Variants in BAZ1B observed in about 807,000 individuals in gnomAD.
BAZ1B encodes the protein bromodomain adjacent to zinc finger domain 1B.
A neutral mutation model predicts 153.8 loss-of-function variants in BAZ1B; 22 were observed. That is an observed-to-expected ratio of 0.14 (90% confidence interval 0.10 to 0.20). The LOEUF is 0.20. Ranked by LOEUF, BAZ1B falls within the 10% of genes least tolerant of loss-of-function variation. BAZ1B has a pLI of 1.00. For synonymous variants in BAZ1B, 676 were observed against 633.4 expected (o/e 1.07, Z -1.01); for missense variants, 1,325 against 1,799.3 (o/e 0.74, Z 4.77).
In BAZ1B at chr7:73,460,193, A is replaced by AAAG. The variant is rs1788347332; in HGVS notation, c.3250-476_3250-475insCTT. 1.1e-4 allele frequency among the ~76,000 whole-genome samples: 12 copies of AAAG among 111,294 alleles called. No homozygotes were observed. In the South Asian group the frequency reaches 3.2e-3, roughly 30 times the overall value. The allele number at this position is 111,294 out of a possible 152,430, so 73.0% of individuals were successfully genotyped here. ...GACACAGCGAGACTCCGTCTCAGGG[A>AAAG]AAAAAAAAAAAAAAAAAAAAAAAAA... On this transcript the variant is annotated intron_variant, in intron 12 of 19. Transcript: ENST00000339594.
chr7:73,501,336 T>C (rs1349275270), intron 3 of BAZ1B, among the ~76,000 whole-genome samples: 1 of 152,180 alleles, frequency 6.6e-6, no homozygotes, highest in Non-Finnish European at 1.5e-5. Flanking sequence ...GTACAAGATC[T>C]AGCCCTTGGC....
At chr7:73,449,493 G>T in intron 15 of BAZ1B, 49 bp downstream of exon 15, 1 of 1,560,782 alleles carries the variant, frequency 6.4e-7, no homozygotes. Flanking sequence ...AATTATAACA[G>T]CTATTCATAT....
At chr7:73,449,023 C>T (rs1035825380) in intron 15 of BAZ1B, among the ~76,000 whole-genome samples, 2 of 152,070 alleles carry the variant, frequency 1.3e-5, no homozygotes, top group Non-Finnish European at 2.9e-5. Flanking sequence ...ATAGCGGAGA[C>T]CACGGAGAAT....
At chr7:73,451,222 AGGG>A (rs1788018042) in intron 13 of BAZ1B, among the ~76,000 whole-genome samples, 1 of 152,252 alleles carries the variant, frequency 6.6e-6, no homozygotes, top group African/African-American at 2.4e-5. Flanking sequence ...AGCATCTTCT[AGGG>A]AAATCCACCT....
At chr7:73,458,295 T>G (rs540228817) in intron 13 of BAZ1B, among the ~76,000 whole-genome samples, 1 of 152,212 alleles carries the variant, frequency 6.6e-6, no homozygotes, top group Admixed American at 6.5e-5. Context: ...GTGTCAGAAG[T>G]GTATGAAAAA....
intron 7 of BAZ1B, among the ~76,000 whole-genome samples, chr7:73,474,271 T>C (rs1788920852): frequency 6.6e-6 from 1 of 152,040 alleles, no homozygotes; most frequent in Non-Finnish European, 1.5e-5. Context: ...CCTTACACTA[T>C]AAAAATTAGC....
At chr7:73,471,444 CA>C (rs1788800043) in intron 7 of BAZ1B, among the ~76,000 whole-genome samples, 1 of 152,088 alleles carries the variant, frequency 6.6e-6, no homozygotes, top group Non-Finnish European at 1.5e-5. Context: ...TAAGTTTTTC[CA>C]TAATTGTCAC....
Position 73,498,614 on chromosome 7 carries a change from A to T in BAZ1B, c.454T>A (p.Ser152Thr). The T allele has an allele frequency of 5.0e-6, 8 of 1,614,094 alleles. No homozygotes were observed. The highest frequency in any genetic ancestry group is 1.3e-5 in the African/African-American group (1 of 75,040). Residue 152 changes from serine (S) to threonine (T), a missense_variant, in exon 4 of 20, where the codon TCT becomes ACT. Physicochemically the swap from Ser to Thr is moderately conservative, Grantham distance 58. Around this residue, in one of 9 missense-constraint regions of BAZ1B, gnomAD observed 153 missense variants for 204.8 expected, o/e 0.75. Coordinates refer to ENST00000339594, the MANE Select transcript of BAZ1B (RefSeq NM_032408.4). ...GATGGAGAATCACAGGCACCATCAG[A>T]TTTCTTCTCAGTGGCCTCTTCATCC... ...KVDEEATEKK[S>T]DGACDSPSSD...
intron 13 of BAZ1B, among the ~76,000 whole-genome samples, chr7:73,456,738 T>A (rs1788215355): frequency 6.6e-6 from 1 of 151,578 alleles, no homozygotes; most frequent in Non-Finnish European, 1.5e-5. Flanking sequence ...GGTCAGGAGT[T>A]TGAGACCAGT....
At chr7:73,488,575 T>C (rs1027661511) in intron 6 of BAZ1B, among the ~76,000 whole-genome samples, 2 of 151,502 alleles carry the variant, frequency 1.3e-5, no homozygotes, top group Admixed American at 6.6e-5. Flanking sequence ...CTACTAAAAA[T>C]AGAAAAATTA....
At chr7:73,487,569 A>G (rs534012926) in intron 6 of BAZ1B, among the ~76,000 whole-genome samples, 1 of 152,350 alleles carries the variant, frequency 6.6e-6, no homozygotes, top group Admixed American at 6.5e-5. Flanking sequence ...TAAGATTAGA[A>G]AAGAGGAAAA....
chr7:73,492,754 T>C (rs1554575736), intron 5 of BAZ1B, 46 bp downstream of exon 5: 1 of 1,516,992 alleles, frequency 6.6e-7, no homozygotes, highest in African/African-American at 1.4e-5. Context: ...TATGATATTT[T>C]CTTAAAGAAC....
In BAZ1B at chr7:73,508,360, G is replaced by A; in HGVS notation, c.336C>T (p.Thr112=). Residue 112 remains threonine (T), a synonymous_variant, in exon 3 of 20, where the codon ACC becomes ACT. Transcript: ENST00000339594. ...CACACTCTTCTCCCACAGCATATTT[G>A]GTCATGATCTCCAACCAAGCAGTAT... ...LVDTAWLEIM[T]KYAVGEECDF... is the part of the protein sequence containing the mutation. 2 of 1,613,910 alleles carry A rather than the reference G, an allele frequency of 1.2e-6. No homozygotes were observed. The highest frequency in any genetic ancestry group is 1.7e-6 in the Non-Finnish European group (2 of 1,179,942).
chr7:73,455,102 G>A (rs1396649388), intron 13 of BAZ1B, among the ~76,000 whole-genome samples: 1 of 151,678 alleles, frequency 6.6e-6, no homozygotes, highest in Non-Finnish European at 1.5e-5. Context: ...GGCCAGGCTG[G>A]TCTCGAACTC....
intron 8 of BAZ1B, 78 bp downstream of exon 8, chr7:73,470,267 T>C: frequency 2.1e-6 from 3 of 1,425,180 alleles, no homozygotes; most frequent in Non-Finnish European, 1.9e-6. Flanking sequence ...TGTCTATTCT[T>C]GTACTTTAGA....
At chr7:73,442,132 C>T (rs1367807125) in intron 19 of BAZ1B, 49 bp downstream of exon 19, 5 of 678,730 alleles carry the variant, frequency 7.4e-6, no homozygotes, top group South Asian at 5.1e-5. Flanking sequence ...CTTCCTCGCT[C>T]GCCTCCCTCC....
intron 6 of BAZ1B, among the ~76,000 whole-genome samples, chr7:73,486,516 C>A (rs1329419760): frequency 1.3e-5 from 2 of 152,004 alleles, no homozygotes; most frequent in Non-Finnish European, 2.9e-5. Context: ...TTAGTAGAGA[C>A]GGGGTTTCAC....
intron 6 of BAZ1B, among the ~76,000 whole-genome samples, chr7:73,488,730 A>C (rs1331952811): frequency 6.6e-6 from 1 of 151,170 alleles, no homozygotes; most frequent in Non-Finnish European, 1.5e-5. Flanking sequence ...AAAAAAAAAA[A>C]CAAAAAAAAC....
chr7:73,465,630 T>C (rs555053290), intron 10 of BAZ1B, 93 bp from the exon 11 acceptor site: 3 of 728,342 alleles, frequency 4.1e-6, no homozygotes, highest in East Asian at 5.2e-5. Flanking sequence ...GTGGTGGGAC[T>C]TGGGAGAACA....
Sources: gnomAD v4.1 joint callset for allele counts (sites outside exome capture counted in the v4.1 genomes callset) on GRCh38, gnomAD v4.1.1 for gene constraint, gnomAD v4.1.1 regional missense constraint, MANE v1.5 for transcripts, NCBI Gene and HGNC (gene_info 2026-07-23, HGNC 2026-07-21) for gene names.